SCFD2: variants seen among roughly 807,000 people sequenced by gnomAD.
The protein encoded by SCFD2 is sec1 family domain containing 2, also known as sec1 family domain-containing protein 2.
A neutral mutation model predicts 58.9 loss-of-function variants in SCFD2; 54 were observed. The ratio of observed to expected loss-of-function variants is 0.92; its 90% CI spans 0.74 to 1.15. The LOEUF is 1.15. SCFD2 is among the 50% of genes most tolerant of loss of function. The pLI is 0.00. For missense variants in SCFD2, 805 were observed against 836.6 expected (o/e 0.96, Z 0.47); for synonymous variants, 321 against 335.9 (o/e 0.96, Z 0.49).
At chr4:53,029,642 A>G (rs1287293911) in intron 5 of SCFD2, among the ~76,000 whole-genome samples, 2 of 152,196 alleles carry the variant, frequency 1.3e-5, no homozygotes, top group Non-Finnish European at 1.5e-5. Flanking sequence ...AAAATTCTTA[A>G]CTCTGGAACA....
At chr4:53,158,233 C>T (rs1009699118) in intron 4 of SCFD2, among the ~76,000 whole-genome samples, 19 of 152,126 alleles carry the variant, frequency 1.2e-4, no homozygotes, top group Non-Finnish European at 1.8e-4. Flanking sequence ...CTATCCTGTT[C>T]GAGTCCCTAT....
chr4:53,046,833 A>G (rs1723053440), intron 5 of SCFD2, among the ~76,000 whole-genome samples: 2 of 152,050 alleles, frequency 1.3e-5, no homozygotes, highest in South Asian at 4.2e-4. Context: ...ACATCCAGCT[A>G]ATTTTCTTTT....
chr4:53,330,282 A>T (rs1355241003), intron 2 of SCFD2, among the ~76,000 whole-genome samples: 1 of 151,968 alleles, frequency 6.6e-6, no homozygotes, highest in African/African-American at 2.4e-5. Flanking sequence ...CAACTCCAAG[A>T]CACATAATTG....
chr4:53,349,806 C>G (rs991369956), intron 2 of SCFD2, among the ~76,000 whole-genome samples: 10 of 152,144 alleles, frequency 6.6e-5, no homozygotes, highest in Non-Finnish European at 1.0e-4. Flanking sequence ...ATGGGCTCTT[C>G]TTTCTTTTAG....
At chr4:53,293,892 CCT>C (rs921270899) in intron 3 of SCFD2, among the ~76,000 whole-genome samples, 5 of 151,824 alleles carry the variant, frequency 3.3e-5, no homozygotes, top group African/African-American at 4.8e-5. Context: ...CCTCCCACCC[CCT>C]GACAGGCCCC....
At chr4:53,102,769 G>A (rs1724866679) in intron 5 of SCFD2, among the ~76,000 whole-genome samples, 1 of 152,004 alleles carries the variant, frequency 6.6e-6, no homozygotes. Flanking sequence ...TTTTCAGGAA[G>A]GCAAAAGGGT....
At chr4:53,113,339 T>C (rs759074670) in intron 5 of SCFD2, among the ~76,000 whole-genome samples, 1 of 152,122 alleles carries the variant, frequency 6.6e-6, no homozygotes, top group African/African-American at 2.4e-5. Context: ...GTTACTTCTT[T>C]TCCTGTCCTG....
chr4:53,268,765 G>A (rs1004535226), intron 4 of SCFD2, among the ~76,000 whole-genome samples: 3 of 152,098 alleles, frequency 2.0e-5, no homozygotes, highest in African/African-American at 4.8e-5. Context: ...TTCCACAAGG[G>A]TGCCTCTGTA....
chr4:53,353,048 G>C (rs1734278473), intron 1 of SCFD2, among the ~76,000 whole-genome samples: 1 of 152,150 alleles, frequency 6.6e-6, no homozygotes, highest in South Asian at 2.1e-4. Context: ...GTGAGTTCTT[G>C]GTCTTGCTGA....
At chr4:52,877,356 G>T (rs1718498121) in intron 8 of SCFD2, among the ~76,000 whole-genome samples, 1 of 152,128 alleles carries the variant, frequency 6.6e-6, no homozygotes, top group Admixed American at 6.5e-5. Context: ...TCAAGCAGTA[G>T]GTTAGGGGGC....
chr4:53,195,126 G>A (rs1728023570), intron 4 of SCFD2, among the ~76,000 whole-genome samples: 2 of 152,116 alleles, frequency 1.3e-5, no homozygotes, highest in Admixed American at 1.3e-4. Context: ...CCAGTAGTGT[G>A]ACTTGAGCAT....
chr4:53,298,387 G>A (rs912330386), intron 3 of SCFD2, among the ~76,000 whole-genome samples: 7 of 152,156 alleles, frequency 4.6e-5, no homozygotes, highest in African/African-American at 9.7e-5. Context: ...AGGCAGTAGC[G>A]AGGCTGGGGG....
At chr4:53,340,001 G>T (rs978003791) in intron 2 of SCFD2, among the ~76,000 whole-genome samples, 1 of 152,090 alleles carries the variant, frequency 6.6e-6, no homozygotes, top group Non-Finnish European at 1.5e-5. Context: ...CAAGATGACC[G>T]AATAGGAACA....
At chr4:52,953,505 G>A (rs531052380) in intron 5 of SCFD2, among the ~76,000 whole-genome samples, 23 of 152,286 alleles carry the variant, frequency 1.5e-4, no homozygotes, top group African/African-American at 5.1e-4. Context: ...AGGTTAGATC[G>A]CTCTCTAAAG....
chr4:53,274,085 C>A, intron 3 of SCFD2, 84 bp from the exon 4 acceptor site: 1 of 1,195,314 alleles, frequency 8.4e-7, no homozygotes, highest in African/African-American at 1.5e-5. Context: ...ATACCACTGT[C>A]TTGTATTTGG....
At position 53,237,979 on chromosome 4, in the gene SCFD2, A is replaced by G. The variant is rs1433034180; in HGVS notation, c.1311+35847T>C. 8.8e-5 allele frequency among the ~76,000 whole-genome samples: 10 copies of G among 113,954 alleles called. No homozygotes were observed. The East Asian group carries it at 2.9e-3, about 33-fold the overall frequency. 74.8% of individuals were successfully genotyped at this position (113,954 alleles called of 152,430 possible). A position where few individuals can be genotyped will look rare whatever the true frequency, so the allele number is the denominator to read the frequency against. Reference sequence around the variant, plus strand: ...GCTGACCCCCCCACCTCCCTCCCGGACGGGGCGGCTGGCCGGGCAGGGGGC... The same window carrying G: ...GCTGACCCCCCCACCTCCCTCCCGGGCGGGGCGGCTGGCCGGGCAGGGGGC... On this transcript the variant is annotated intron_variant, in intron 4 of 8. Transcript: ENST00000401642.
chr4:52,903,426 C>T (rs564782244), intron 7 of SCFD2, among the ~76,000 whole-genome samples: 6 of 152,248 alleles, frequency 3.9e-5, no homozygotes, highest in African/African-American at 1.2e-4. Context: ...CCTTGCATCC[C>T]CTGTGAAACT....
At chr4:53,110,705 G>T (rs1725144551) in intron 5 of SCFD2, among the ~76,000 whole-genome samples, 1 of 152,242 alleles carries the variant, frequency 6.6e-6, no homozygotes, top group Non-Finnish European at 1.5e-5. Flanking sequence ...TGGAGAGGAT[G>T]TGGAGAAATA....
chr4:53,217,543 C>G (rs552206289), intron 4 of SCFD2, among the ~76,000 whole-genome samples: 1 of 152,116 alleles, frequency 6.6e-6, no homozygotes, highest in Admixed American at 6.5e-5. Flanking sequence ...TGTCTCTGCA[C>G]GTGAGATGGG....
Sources: allele counts gnomAD v4.1 joint callset (sites outside exome capture counted in the v4.1 genomes callset), GRCh38; gene constraint gnomAD v4.1.1; transcripts MANE v1.5; gene names NCBI Gene and HGNC (gene_info 2026-07-23, HGNC 2026-07-21).